The following VWA8 variants were observed in gnomAD, a reference collection of about 807,000 sequenced individuals.
The protein encoded by VWA8 is von Willebrand factor A domain-containing protein 8.
A neutral mutation model predicts 241.5 loss-of-function variants in VWA8; 221 were observed. That is an observed-to-expected ratio of 0.91 (90% confidence interval 0.82 to 1.02). The LOEUF is 1.02. Among genes scored for constraint, VWA8 ranks in the 50% least tolerant of loss-of-function variants. The probability of loss-of-function intolerance (pLI) is 0.00; values close to 1 mark genes in which losing one functional copy is unlikely to be tolerated. For synonymous variants in VWA8, 852 were observed against 827.1 expected, an observed-to-expected ratio of 1.03 and a Z score of -0.52; for missense variants, 2,322 against 2,328.7, an observed-to-expected ratio of 1.00 and a Z score of 0.06.
chr13:41,763,239 T>C (rs866251190), intron 20 of VWA8, among the ~76,000 whole-genome samples: 1 of 151,904 alleles, frequency 6.6e-6, no homozygotes, highest in Non-Finnish European at 1.5e-5. Context: ...CAGTGAGCTA[T>C]GATCACACCA....
chr13:41,745,640 A>G (rs531300407), intron 21 of VWA8, among the ~76,000 whole-genome samples: 1 of 152,342 alleles, frequency 6.6e-6, no homozygotes, highest in Non-Finnish European at 1.5e-5. Context: ...GAGAAATGCA[A>G]AGCAAAACCA....
intron 37 of VWA8, among the ~76,000 whole-genome samples, chr13:41,651,459 A>G (rs896197266): frequency 1.3e-5 from 2 of 152,150 alleles, no homozygotes; most frequent in African/African-American, 4.8e-5. Flanking sequence ...TGTATTCCAA[A>G]CCAGGAGTTG....
intron 42 of VWA8, among the ~76,000 whole-genome samples, chr13:41,582,062 T>C (rs1190774816): frequency 2.0e-5 from 3 of 152,228 alleles, no homozygotes; most frequent in Non-Finnish European, 4.4e-5. Flanking sequence ...ATGCTGATTA[T>C]AAGCAAATGA....
At chr13:41,712,071 T>C (rs1184647006) in intron 26 of VWA8, among the ~76,000 whole-genome samples, 2 of 151,970 alleles carry the variant, frequency 1.3e-5, no homozygotes, top group Admixed American at 6.6e-5. Flanking sequence ...AATGGAATGA[T>C]AGATACCAGA....
At chr13:41,675,921 C>A (rs1038270496) in intron 35 of VWA8, among the ~76,000 whole-genome samples, 4 of 152,000 alleles carry the variant, frequency 2.6e-5, no homozygotes, top group Admixed American at 6.6e-5. Flanking sequence ...TAGGGCCCTG[C>A]AAGACAGGGG....
chr13:41,831,613 GTTTTT>G (rs71096547), intron 13 of VWA8, among the ~76,000 whole-genome samples: 1 of 113,412 alleles, frequency 8.8e-6, no homozygotes, highest in East Asian at 2.7e-4. Flanking sequence ...CCAGGCATGA[GTTTTT>G]TTTTTTTTTT....
intron 20 of VWA8, among the ~76,000 whole-genome samples, chr13:41,773,511 A>G (rs531044585): frequency 9.2e-5 from 14 of 152,356 alleles, no homozygotes; most frequent in Non-Finnish European, 1.8e-4. Flanking sequence ...CACAAACTCT[A>G]TGCCAGTCCT....
chr13:41,739,713 G>A (rs990320192), intron 21 of VWA8, among the ~76,000 whole-genome samples: 4 of 151,804 alleles, frequency 2.6e-5, no homozygotes, highest in Admixed American at 6.6e-5. Flanking sequence ...ATAGATATTC[G>A]TAAAGGAAGA....
At chr13:41,943,968 T>C (rs1038157601) in intron 2 of VWA8, among the ~76,000 whole-genome samples, 2 of 151,762 alleles carry the variant, frequency 1.3e-5, no homozygotes, top group Admixed American at 6.6e-5. Flanking sequence ...AGCTAGGCAA[T>C]GTGGCGTGAG....
At position 41,719,749 on chromosome 13, in the gene VWA8, T is replaced by TA. The variant is rs558682058; in HGVS notation, c.2965-8dup. On this transcript the variant is annotated splice_polypyrimidine_tract_variant and splice_region_variant and intron_variant, in intron 25 of 44. Coordinates refer to ENST00000379310, the MANE Select transcript of VWA8 (RefSeq NM_015058.2). ...GACCTTCAGTCGGAAATTTCTGTAT[T>TA]AAAAAAAAATTCCCTTATTATGCAT... 68 of 1,592,492 alleles carry TA rather than the reference T, an allele frequency of 4.3e-5. No individual in the cohort carries two copies. Among genetic ancestry groups the TA allele is most frequent in the Admixed American group, 1.6e-4 (9 of 55,922 alleles).
intron 2 of VWA8, among the ~76,000 whole-genome samples, chr13:41,946,182 T>A (rs1877840876): frequency 7.0e-6 from 1 of 142,750 alleles, no homozygotes. Flanking sequence ...TCCTTCAAAA[T>A]ACAAAGGAGA....
At chr13:41,908,926 A>G (rs1261845254) in intron 3 of VWA8, among the ~76,000 whole-genome samples, 1 of 152,238 alleles carries the variant, frequency 6.6e-6, no homozygotes, top group Admixed American at 6.5e-5. Flanking sequence ...ACTGCCATAC[A>G]AGGGGATTTT....
chr13:41,819,087 G>T, intron 15 of VWA8, 131 bp downstream of exon 15: 1 of 887,534 alleles, frequency 1.1e-6, no homozygotes, highest in Non-Finnish European at 1.6e-6. Flanking sequence ...CTTCACCACT[G>T]TATGAAGAAA....
Position 41,689,244 on chromosome 13 carries a change from T to A in VWA8, c.4131+110A>T, listed in dbSNP as rs895187908. On this transcript the variant is annotated intron_variant, in intron 34 of 44. Transcript: ENST00000379310. ...TTTGGAAGGAAGACTTGATCCAACA[T>A]GTTTACCAGGAAATTATGTTTTTAA... 5.0e-6 allele frequency: 6 copies of A among 1,211,788 alleles called. No homozygotes were observed. The African/African-American group carries it at 9.2e-5, about 19-fold the overall frequency. 75.1% of individuals were successfully genotyped at this position (1,211,788 alleles called of 1,614,324 possible).
At chr13:41,749,653 C>T (rs2045638718) in intron 21 of VWA8, among the ~76,000 whole-genome samples, 3 of 152,130 alleles carry the variant, frequency 2.0e-5, no homozygotes, top group Admixed American at 2.0e-4. Context: ...GGCACATATA[C>T]ACCATGGAAT....
At chr13:41,886,075 T>C in intron 7 of VWA8, 47 bp from the exon 8 acceptor site, 2 of 1,272,492 alleles carry the variant, frequency 1.6e-6, no homozygotes, top group Non-Finnish European at 2.2e-6. Flanking sequence ...AAATATAAAA[T>C]GTGTAAGTTG....
At chr13:41,713,371 C>G (rs1459246698) in intron 26 of VWA8, among the ~76,000 whole-genome samples, 1 of 152,096 alleles carries the variant, frequency 6.6e-6, no homozygotes, top group Non-Finnish European at 1.5e-5. Context: ...AAACAGCTAT[C>G]CCTGTGTTCT....
chr13:41,572,536 G>A (rs933785111), intron 43 of VWA8, among the ~76,000 whole-genome samples: 4 of 152,060 alleles, frequency 2.6e-5, no homozygotes, highest in African/African-American at 9.7e-5. Context: ...TGTCCACCCA[G>A]GGTTAAATGG....
At chr13:41,843,118 T>C (rs1366644068) in intron 12 of VWA8, among the ~76,000 whole-genome samples, 2 of 152,204 alleles carry the variant, frequency 1.3e-5, no homozygotes, top group African/African-American at 4.8e-5. Context: ...ATTTAAAAAG[T>C]AAATCAACTT....
Sources: allele counts gnomAD v4.1 joint callset (sites outside exome capture counted in the v4.1 genomes callset), GRCh38; gene constraint gnomAD v4.1.1; transcripts MANE v1.5; gene names NCBI Gene and HGNC (gene_info 2026-07-23, HGNC 2026-07-21).